LRFN2: variants seen among roughly 807,000 people sequenced by gnomAD.
The protein encoded by LRFN2 is leucine rich repeat and fibronectin type III domain containing 2, also known as leucine-rich repeat and fibronectin type-III domain-containing protein 2.
In LRFN2, 18 loss-of-function variants were observed where a neutral mutation model predicts 37.3. That is an observed-to-expected ratio of 0.48 (90% CI 0.33 to 0.72). The LOEUF (loss-of-function observed/expected upper bound fraction) is 0.72. LRFN2 is among the 30% of genes least tolerant of loss of function. The probability of loss-of-function intolerance (pLI) is 0.02; values close to 1 mark genes in which losing one functional copy is unlikely to be tolerated. For synonymous variants in LRFN2, 556 were observed against 466.6 expected (o/e 1.19, Z -2.47); for missense variants, 1,006 against 1,060.7 (o/e 0.95, Z 0.72).
At chr6:40,543,730 A>C (rs1214337430) in intron 1 of LRFN2, among the ~76,000 whole-genome samples, 1 of 152,220 alleles carries the variant, frequency 6.6e-6, no homozygotes, top group Non-Finnish European at 1.5e-5. Context: ...TTGCCTGGGC[A>C]TCTTTTGTAT....
chr6:40,434,221 C>T (rs1293113132), intron 1 of LRFN2, among the ~76,000 whole-genome samples: 1 of 152,228 alleles, frequency 6.6e-6, no homozygotes, highest in Non-Finnish European at 1.5e-5. Context: ...CTGCCTGGCA[C>T]ATAGTAGGTG....
chr6:40,562,826 T>TAC (rs1767022969), intron 1 of LRFN2, among the ~76,000 whole-genome samples: 1 of 118,900 alleles, frequency 8.4e-6, no homozygotes, highest in Non-Finnish European at 1.7e-5. Context: ...CTTATGTGCG[T>TAC]GCACTCACTC....
At chr6:40,438,397 G>C (rs571758715) in intron 1 of LRFN2, among the ~76,000 whole-genome samples, 1 of 152,266 alleles carries the variant, frequency 6.6e-6, no homozygotes, top group African/African-American at 2.4e-5. Flanking sequence ...CCACTGGTAG[G>C]GTTCCCTTAT....
At chr6:40,463,607 A>T (rs1764392776) in intron 1 of LRFN2, among the ~76,000 whole-genome samples, 1 of 150,942 alleles carries the variant, frequency 6.6e-6, no homozygotes, top group African/African-American at 2.4e-5. Context: ...GTGAGCAGTG[A>T]TACTTACTCC....
intron 1 of LRFN2, among the ~76,000 whole-genome samples, chr6:40,562,625 A>AG (rs1246808715): frequency 1.3e-5 from 2 of 152,186 alleles, no homozygotes; most frequent in Non-Finnish European, 2.9e-5. Context: ...GAAAACTTAA[A>AG]GGACCCTTAG....
chr6:40,547,410 C>A (rs533204711), intron 1 of LRFN2, among the ~76,000 whole-genome samples: 3 of 152,124 alleles, frequency 2.0e-5, no homozygotes, highest in Admixed American at 6.5e-5. Context: ...TGGCCACAAA[C>A]CTTAATTAAA....
chr6:40,522,284 G>A (rs561743453), intron 1 of LRFN2, among the ~76,000 whole-genome samples: 17 of 152,334 alleles, frequency 1.1e-4, no homozygotes, highest in African/African-American at 4.1e-4. Flanking sequence ...CCTAGAGGGT[G>A]CCCAGGAAGG....
At chr6:40,395,084 G>C (rs1053420305) in intron 2 of LRFN2, among the ~76,000 whole-genome samples, 3 of 151,898 alleles carry the variant, frequency 2.0e-5, no homozygotes, top group African/African-American at 7.3e-5. Flanking sequence ...GGTTAGGAGA[G>C]GTGGATCCAG....
chr6:40,433,522 GTGGA>G (rs921191740), intron 1 of LRFN2, among the ~76,000 whole-genome samples: 13 of 151,996 alleles, frequency 8.6e-5, no homozygotes, highest in African/African-American at 1.7e-4. Context: ...GGATGGATGG[GTGGA>G]TGGATGGATG....
chr6:40,538,075 G>T (rs888561215), intron 1 of LRFN2, among the ~76,000 whole-genome samples: 6 of 152,160 alleles, frequency 3.9e-5, no homozygotes, highest in African/African-American at 1.4e-4. Flanking sequence ...GCCTTGGAAC[G>T]CTAAGGCAGA....
At chr6:40,554,417 G>A (rs746404449) in intron 1 of LRFN2, among the ~76,000 whole-genome samples, 4 of 152,094 alleles carry the variant, frequency 2.6e-5, no homozygotes, top group Admixed American at 6.5e-5. Context: ...AAGGGTGGAT[G>A]GGTGGATGGA....
At chr6:40,437,063 T>G (rs1236950085) in intron 1 of LRFN2, among the ~76,000 whole-genome samples, 4 of 152,140 alleles carry the variant, frequency 2.6e-5, no homozygotes, top group African/African-American at 7.2e-5. Flanking sequence ...ATCTCTCTTA[T>G]GAGCTCTTAT....
chr6:40,410,584 C>T (rs1762945519), intron 2 of LRFN2, among the ~76,000 whole-genome samples: 1 of 152,210 alleles, frequency 6.6e-6, no homozygotes, highest in Admixed American at 6.5e-5. Context: ...TAATGTACAC[C>T]AAGCACTGGC....
intron 2 of LRFN2, among the ~76,000 whole-genome samples, chr6:40,419,601 A>G (rs1000056896): frequency 6.6e-6 from 1 of 152,206 alleles, no homozygotes; most frequent in Non-Finnish European, 1.5e-5. Context: ...TTTGTTATGC[A>G]ACATGGTTGT....
chr6:40,532,961 A>G (rs1252648316), intron 1 of LRFN2, among the ~76,000 whole-genome samples: 2 of 152,178 alleles, frequency 1.3e-5, no homozygotes, highest in African/African-American at 4.8e-5. Flanking sequence ...AAGTACCAAG[A>G]AGTGACAGGC....
chr6:40,403,700 T>C (rs1362350799), intron 2 of LRFN2, among the ~76,000 whole-genome samples: 1 of 152,218 alleles, frequency 6.6e-6, no homozygotes, highest in African/African-American at 2.4e-5. Context: ...TGAGTTGGCC[T>C]CTGGGTCTGG....
chr6:40,406,424 C>G (rs564109994), intron 2 of LRFN2, among the ~76,000 whole-genome samples: 203 of 152,278 alleles, frequency 1.3e-3, no homozygotes, highest in Non-Finnish European at 2.3e-3. Flanking sequence ...GCCAGCCTGC[C>G]CGCTGATCCA....
chr6:40,521,420 G>T (rs1323853856), intron 1 of LRFN2, among the ~76,000 whole-genome samples: 1 of 152,248 alleles, frequency 6.6e-6, no homozygotes. Context: ...GAAACAAAAT[G>T]TGCAGAGCTT....
chr6:40,397,022 A>G (rs916319858), intron 2 of LRFN2, among the ~76,000 whole-genome samples: 19 of 152,222 alleles, frequency 1.2e-4, no homozygotes, highest in Non-Finnish European at 2.6e-4. Flanking sequence ...GGCTGAGACC[A>G]GAACAGGTCC....
Sources: gnomAD v4.1 joint callset for allele counts (sites outside exome capture counted in the v4.1 genomes callset) on GRCh38, gnomAD v4.1.1 for gene constraint, MANE v1.5 for transcripts, NCBI Gene and HGNC (gene_info 2026-07-23, HGNC 2026-07-21) for gene names.